The following RIPK1 variants were observed in gnomAD, a reference collection of about 807,000 sequenced individuals.
The protein encoded by RIPK1 is receptor interacting serine/threonine kinase 1.
RIPK1 carries 27 observed loss-of-function variants against 62.4 expected under a neutral mutation model. That is an observed-to-expected ratio of 0.43 (90% CI 0.32 to 0.60). The LOEUF is 0.60. Among genes scored for constraint, RIPK1 ranks in the 20% least tolerant of loss-of-function variants. The pLI is 0.07. For synonymous variants in RIPK1, 287 were observed against 303.2 expected, an observed-to-expected ratio of 0.95 and a Z score of 0.55; for missense variants, 735 against 831.0, an observed-to-expected ratio of 0.88 and a Z score of 1.42.
chr6:3,105,407 A>T lies in RIPK1; in HGVS notation c.1007-75A>T. On this transcript the variant is annotated intron_variant, in intron 8 of 10. Transcript: ENST00000259808. This position sits in a 1 kb window ranked among gnomAD's most constrained non-coding sequence, Gnocchi z 4.5. Reference sequence around the variant, plus strand: ...GTGTGTTACTTTGAGATACAGATTCATGACGGCGCTCAGATTTTATTTTAC... The same window carrying T: ...GTGTGTTACTTTGAGATACAGATTCTTGACGGCGCTCAGATTTTATTTTAC... 8.5e-7 allele frequency: 1 copy of T among 1,182,198 alleles called. No individual in the cohort carries two copies. The highest frequency in any genetic ancestry group is 1.2e-6 in the Non-Finnish European group (1 of 833,288). 73.2% of individuals were successfully genotyped at this position (1,182,198 alleles called of 1,614,324 possible).
chr6:3,073,018 C>T (rs947732872), intron 1 of RIPK1, among the ~76,000 whole-genome samples: 32 of 152,222 alleles, frequency 2.1e-4, no homozygotes, highest in Admixed American at 1.9e-3. Context: ...AAACAACACC[C>T]GTGTGGATAA....
chr6:3,090,721 G>C (rs558196047), intron 7 of RIPK1, among the ~76,000 whole-genome samples: 3 of 151,978 alleles, frequency 2.0e-5, no homozygotes, highest in Non-Finnish European at 4.4e-5. Context: ...CACACTTGAC[G>C]TAACGGAAAC....
chr6:3,101,340 A>G (rs955279662), intron 7 of RIPK1, among the ~76,000 whole-genome samples: 4 of 152,250 alleles, frequency 2.6e-5, no homozygotes, highest in Admixed American at 2.6e-4. Context: ...CTGTAATCCC[A>G]GCTCTTTGGG....
chr6:3,111,641 G>A (rs1174732348), intron 10 of RIPK1, among the ~76,000 whole-genome samples: 1 of 152,062 alleles, frequency 6.6e-6, no homozygotes, highest in Non-Finnish European at 1.5e-5. Context: ...ACATGAATGA[G>A]CACGGCTGTG....
chr6:3,076,901 A>T lies in RIPK1; in HGVS notation c.78A>T (p.Gly26=). 1 of 1,610,410 alleles carries T rather than the reference A, an allele frequency of 6.2e-7. No homozygotes were observed. The highest frequency in any genetic ancestry group is 8.5e-7 in the Non-Finnish European group (1 of 1,177,572). Residue 26 remains glycine, a synonymous_variant, in exon 2 of 11, where the codon GGA becomes GGT. Coordinates refer to ENST00000259808, the MANE Select transcript of RIPK1 (RefSeq NM_001354930.2). ...TGGAGAGTGCAGAACTGGACAGCGG[A>T]GGCTTTGGGAAGGTGTCTCTGTGTT... is the stretch of plus-strand genomic sequence containing the variant. ...DFLESAELDS[G]GFGKVSLCFH... is the part of the protein sequence containing the mutation.
chr6:3,097,627 A>AT (rs1157237826), intron 7 of RIPK1, among the ~76,000 whole-genome samples: 2 of 152,220 alleles, frequency 1.3e-5, no homozygotes, highest in African/African-American at 4.8e-5. Context: ...GAAAGATAAA[A>AT]TTATAAAGCT....
intron 9 of RIPK1, among the ~76,000 whole-genome samples, chr6:3,110,294 C>T (rs571000303): frequency 4.0e-5 from 6 of 151,648 alleles, no homozygotes; most frequent in East Asian, 3.9e-4. Flanking sequence ...CTGCAAGCTC[C>T]GCCTCCTGGG....
chr6:3,084,607 T>C (rs1253545431), intron 5 of RIPK1, among the ~76,000 whole-genome samples: 3 of 150,596 alleles, frequency 2.0e-5, no homozygotes, highest in East Asian at 1.9e-4. Context: ...TTTTTTTTTT[T>C]CCCGTGAGAC....
rs1758499052 is a variant in RIPK1, at chr6:3,068,528, GA to G, written c.-193del. On this transcript the variant is annotated 5_prime_UTR_variant, in exon 1 of 11. Coordinates refer to ENST00000259808, the MANE Select transcript of RIPK1 (RefSeq NM_001354930.2). ...CCTCCAGCCGGGCGCGCTCGACGCG[GA>G]CGGCGGGCCAGCTGCCGGAGCGCGG... is the stretch of plus-strand genomic sequence containing the variant. The G allele has an allele frequency of 1.0e-6, 1 of 985,036 alleles. No homozygotes were observed. The highest frequency in any genetic ancestry group is 1.1e-4 in the East Asian group (1 of 8,808). 61.0% of individuals were successfully genotyped at this position (985,036 alleles called of 1,614,324 possible). A position where few individuals can be genotyped will look rare whatever the true frequency, so the allele number is the denominator to read the frequency against.
intron 10 of RIPK1, 133 bp downstream of exon 10, chr6:3,111,088 C>T (rs896675683): frequency 9.4e-6 from 5 of 533,462 alleles, no homozygotes; most frequent in Non-Finnish European, 1.6e-5. Flanking sequence ...TGCAAAATAT[C>T]TTTGTAATTT....
upstream of RIPK1, chr6:3,068,391 G>C: frequency 1.0e-6 from 1 of 985,444 alleles, no homozygotes; most frequent in Non-Finnish European, 1.2e-6. Context: ...AGAGAGCTCC[G>C]GGACTCAGAC....
At position 3,113,158 on chromosome 6, in the gene RIPK1, T is replaced by C. The variant is rs372917428; in HGVS notation, c.1835T>C (p.Ile612Thr). The change falls in exon 11 of 11, where the codon ATT becomes ACT. Residue 612 changes from isoleucine to threonine, a missense_variant. Physicochemically the swap from Ile to Thr is moderately conservative, Grantham distance 89. Around this residue, in one of 2 missense-constraint regions of RIPK1, gnomAD observed 64 missense variants for 104.8 expected, o/e 0.61. Transcript: ENST00000259808. This position sits in a 1 kb window ranked among gnomAD's most constrained non-coding sequence, Gnocchi z 5.0. ...ARKLGFTQSQ[I>T]DEIDHDYERD... ...AAACTGGGCTTCACACAGTCTCAGA[T>C]TGATGAAATTGACCATGACTATGAG... 49 of 1,613,884 alleles carry C rather than the reference T, an allele frequency of 3.0e-5. No individual in the cohort carries two copies. The highest frequency in any genetic ancestry group is 4.0e-5 in the Non-Finnish European group (47 of 1,179,956).
At chr6:3,101,773 T>G (rs964345439) in intron 7 of RIPK1, among the ~76,000 whole-genome samples, 1 of 152,192 alleles carries the variant, frequency 6.6e-6, no homozygotes, top group Non-Finnish European at 1.5e-5. Context: ...GAAAAAGTTT[T>G]TTACTGTGGC....
chr6:3,077,005 G>A lies in RIPK1; in HGVS notation c.164+18G>A. The A allele has an allele frequency of 6.3e-7, 1 of 1,582,356 alleles. No homozygotes were observed. Among genetic ancestry groups the A allele is most frequent in the Non-Finnish European group, 8.6e-7 (1 of 1,161,172 alleles). On this transcript the variant is annotated intron_variant, in intron 2 of 10. Coordinates refer to ENST00000259808, the MANE Select transcript of RIPK1 (RefSeq NM_001354930.2). The stretch of plus-strand genomic sequence containing the variant: ...TGCATTGAGTGAGTAGGGAGCAGGG[G>A]TGGGTGGGCTAAGTTCTGAGCGGGA...
rs1758769416 is a variant in RIPK1, at chr6:3,072,402, T to TATATAC, written c.-61+3744_-61+3745insTACATA. ...CTTTATCTATTTACATATATATATA[T>TATATAC]ATAAAACACACACAAATGTGAATAT... On this transcript the variant is annotated intron_variant, in intron 1 of 10. Coordinates refer to ENST00000259808, the MANE Select transcript of RIPK1 (RefSeq NM_001354930.2). This position sits in a 1 kb window ranked among gnomAD's most constrained non-coding sequence, Gnocchi z 5.6. 6.9e-6 allele frequency among the ~76,000 whole-genome samples: 1 copy of TATATAC among 143,966 alleles called. No homozygotes were observed. The highest frequency in any genetic ancestry group is 2.2e-4 in the South Asian group (1 of 4,598). The allele number at this position is 143,966 out of a possible 152,430, so 94.4% of individuals were successfully genotyped here. A position where few individuals can be genotyped will look rare whatever the true frequency, so the allele number is the denominator to read the frequency against.
At chr6:3,107,097 C>T (rs187668051) in intron 9 of RIPK1, among the ~76,000 whole-genome samples, 2 of 151,632 alleles carry the variant, frequency 1.3e-5, no homozygotes, top group East Asian at 3.9e-4. Context: ...CTAAATAATA[C>T]AAAAATTAGC....
intron 1 of RIPK1, among the ~76,000 whole-genome samples, chr6:3,070,582 C>T (rs1438666947): frequency 6.6e-6 from 1 of 152,174 alleles, no homozygotes; most frequent in Non-Finnish European, 1.5e-5. Context: ...GGATTGTAGG[C>T]ATGCACTACC....
intron 1 of RIPK1, among the ~76,000 whole-genome samples, chr6:3,070,899 GAA>G (rs1016038725): frequency 3.3e-5 from 5 of 152,204 alleles, no homozygotes; most frequent in Non-Finnish European, 5.9e-5. Flanking sequence ...AGCCAATAGT[GAA>G]AGTTTGAATG....
At chr6:3,107,533 C>T (rs1277890405) in intron 9 of RIPK1, among the ~76,000 whole-genome samples, 2 of 147,670 alleles carry the variant, frequency 1.4e-5, no homozygotes, top group African/African-American at 2.6e-5. Flanking sequence ...CCACTGCACT[C>T]CAGCCTGGGT....
Sources: gnomAD v4.1 joint callset for allele counts (sites outside exome capture counted in the v4.1 genomes callset) on GRCh38, gnomAD v4.1.1 for gene constraint, gnomAD v4.1.1 regional missense constraint, Gnocchi (gnomAD v3.1) non-coding constraint, MANE v1.5 for transcripts, NCBI Gene and HGNC (gene_info 2026-07-23, HGNC 2026-07-21) for gene names.